The following FRMPD1 variants were observed in gnomAD, a reference collection of about 807,000 sequenced individuals.
The protein encoded by FRMPD1 is FERM and PDZ domain-containing protein 1.
Under a neutral mutation model 117.8 loss-of-function variants are expected in FRMPD1, and 76 were observed. That is an observed-to-expected ratio of 0.65 (90% CI 0.54 to 0.78). The LOEUF (loss-of-function observed/expected upper bound fraction) is 0.78. FRMPD1 is among the 30% of genes least tolerant of loss of function. The pLI is 0.00. For missense variants in FRMPD1, 1,786 were observed against 1,964.5 expected, an observed-to-expected ratio of 0.91 and a Z score of 1.72; for synonymous variants, 783 against 770.4, an observed-to-expected ratio of 1.02 and a Z score of -0.27.
At chr9:37,732,591 A>G in intron 10 of FRMPD1, 151 bp downstream of exon 10, 1 of 749,774 alleles carries the variant, frequency 1.3e-6, no homozygotes, top group Non-Finnish European at 2.0e-6. Flanking sequence ...CTCTAATCTG[A>G]CCTGGCTCCC....
In FRMPD1 at chr9:37,740,238, G is replaced by A; in HGVS notation, c.1710G>A (p.Arg570=). 6.2e-7 allele frequency: 1 copy of A among 1,613,994 alleles called. No individual in the cohort carries two copies. ...PGNSPTPEVA[R]RGPSTCGASS... is the part of the protein sequence containing the mutation. The stretch of plus-strand genomic sequence containing the variant: ...ACAGCCCCACACCTGAGGTGGCTAG[G>A]AGGGGCCCCAGCACCTGCGGGGCCA... Residue 570 remains arginine (R), a synonymous_variant, in exon 15 of 16, where the codon AGG becomes AGA. Transcript: ENST00000377765. The surrounding 1 kb of genome is among the most constrained non-coding windows in gnomAD (Gnocchi z 4.2).
At chr9:37,680,997 G>T (rs1214894181) in intron 1 of FRMPD1, among the ~76,000 whole-genome samples, 1 of 152,044 alleles carries the variant, frequency 6.6e-6, no homozygotes, top group Admixed American at 6.5e-5. Flanking sequence ...ATCACTGGAG[G>T]CCAGGAGTTC....
Position 37,698,701 on chromosome 9 carries a change from A to G in FRMPD1, c.101+5959A>G, listed in dbSNP as rs558098104. ...CTCAGTCGCCCGCGTAGCTGGGATT[A>G]CAGATATGCGCCACCACACCTGGCT... On this transcript the variant is annotated intron_variant, in intron 2 of 15. Coordinates refer to ENST00000377765, the MANE Select transcript of FRMPD1 (RefSeq NM_014907.3). Among the ~76,000 whole-genome samples, 165 of 150,738 alleles carry G rather than the reference A, an allele frequency of 1.1e-3. 1 individual carries two copies. Among genetic ancestry groups the G allele is most frequent in the Non-Finnish European group, 1.5e-3 (100 of 67,758 alleles).
intron 1 of FRMPD1, among the ~76,000 whole-genome samples, chr9:37,674,678 G>A (rs111265837): frequency 5.3e-5 from 8 of 152,198 alleles, no homozygotes; most frequent in African/African-American, 1.7e-4. Context: ...CACAGTGGGA[G>A]GCGAAAGGCA....
chr9:37,629,443 T>G, the FRMPD1 span, among the ~76,000 whole-genome samples: 2 of 152,194 alleles, frequency 1.3e-5, no homozygotes, highest in African/African-American at 4.8e-5. Context: ...GAGTGGGGGC[T>G]GCTCTATATG....
chr9:37,715,309 G>A (rs915292814), intron 5 of FRMPD1, among the ~76,000 whole-genome samples: 2 of 152,096 alleles, frequency 1.3e-5, no homozygotes, highest in Non-Finnish European at 2.9e-5. Flanking sequence ...GGCCTCACAC[G>A]CCCATGGTCT....
At position 37,746,257 on chromosome 9, in the gene FRMPD1, A is replaced by G. The variant is rs1765731304; in HGVS notation, c.4225A>G (p.Arg1409Gly). The part of the protein sequence containing the change: ...IWPEYCSRAL[R>G]QLKATPASTP... ...GCCAGAGTACTGCTCCAGGGCACTG[A>G]GACAGCTGAAAGCCACCCCTGCCAG... The change falls in exon 16 of 16, where the codon AGA becomes GGA. Residue 1409 changes from arginine to glycine, a missense_variant. Transcript: ENST00000377765. 1.2e-6 allele frequency: 2 copies of G among 1,612,776 alleles called. No individual in the cohort carries two copies. The highest frequency in any genetic ancestry group is 8.5e-7 in the Non-Finnish European group (1 of 1,179,876).
At chr9:37,711,506 G>A in intron 5 of FRMPD1, 111 bp downstream of exon 5, 1 of 822,960 alleles carries the variant, frequency 1.2e-6, no homozygotes, top group Non-Finnish European at 2.1e-6. Flanking sequence ...AAGGGTGGAG[G>A]GTGACAGCTG....
At chr9:37,709,904 G>C (rs1014471383) in intron 4 of FRMPD1, among the ~76,000 whole-genome samples, 2 of 152,224 alleles carry the variant, frequency 1.3e-5, no homozygotes, top group African/African-American at 4.8e-5. Flanking sequence ...GCAGTTGAAG[G>C]CTTCTGAGCA....
chr9:37,650,780 C>T (rs1015600121), upstream of FRMPD1, among the ~76,000 whole-genome samples: 20 of 151,466 alleles, frequency 1.3e-4, no homozygotes, highest in Non-Finnish European at 2.2e-4. Flanking sequence ...CCCACTGCGG[C>T]GGGCCGGGAC....
chr9:37,713,863 G>A (rs1364294848), intron 5 of FRMPD1, among the ~76,000 whole-genome samples: 1 of 152,164 alleles, frequency 6.6e-6, no homozygotes, highest in Non-Finnish European at 1.5e-5. Flanking sequence ...TAGAAAGGTT[G>A]CCTACGCATT....
chr9:37,713,937 T>C (rs1823007888), intron 5 of FRMPD1, among the ~76,000 whole-genome samples: 1 of 152,228 alleles, frequency 6.6e-6, no homozygotes, highest in South Asian at 2.1e-4. Flanking sequence ...ATAAACCTTC[T>C]GTGGTCCAAA....
upstream of FRMPD1, among the ~76,000 whole-genome samples, chr9:37,646,109 A>G (rs1824135152): frequency 6.6e-6 from 1 of 152,210 alleles, no homozygotes; most frequent in South Asian, 2.1e-4. Context: ...GCTATTTTTA[A>G]TAACCCTCTC....
At chr9:37,698,103 G>C (rs1037551930) in intron 2 of FRMPD1, among the ~76,000 whole-genome samples, 3 of 152,166 alleles carry the variant, frequency 2.0e-5, no homozygotes, top group Admixed American at 2.0e-4. Flanking sequence ...AATGGAGTGA[G>C]ACTCTGTCTT....
chr9:37,621,475 G>T, the FRMPD1 span, among the ~76,000 whole-genome samples: 3 of 152,294 alleles, frequency 2.0e-5, no homozygotes, highest in South Asian at 6.2e-4. Flanking sequence ...GCCGCTCATG[G>T]CCCCAGGGGA....
At chr9:37,679,698 C>G (rs1465593954) in intron 1 of FRMPD1, among the ~76,000 whole-genome samples, 1 of 152,204 alleles carries the variant, frequency 6.6e-6, no homozygotes, top group Non-Finnish European at 1.5e-5. Context: ...CTTACCTTTA[C>G]AGGTAGGAAA....
At chr9:37,690,035 T>G (rs192856838) in intron 1 of FRMPD1, among the ~76,000 whole-genome samples, 17 of 152,262 alleles carry the variant, frequency 1.1e-4, no homozygotes, top group African/African-American at 3.6e-4. Context: ...TATTCTTAAT[T>G]TGAAAATTTA....
the FRMPD1 span, among the ~76,000 whole-genome samples, chr9:37,637,709 A>T: frequency 6.6e-6 from 1 of 152,340 alleles, no homozygotes; most frequent in South Asian, 2.1e-4. Flanking sequence ...CTCCAGGCCC[A>T]GGATTGCTCA....
Position 37,708,726 on chromosome 9 carries a change from C to A in FRMPD1, c.362+225C>A, listed in dbSNP as rs111464833. Among the ~76,000 whole-genome samples, 541 of 152,290 alleles carry A rather than the reference C, an allele frequency of 3.6e-3. 3 individuals carry two copies. Among genetic ancestry groups the A allele is most frequent in the African/African-American group, 0.012 (512 of 41,548 alleles). On this transcript the variant is annotated intron_variant, in intron 4 of 15. Transcript: ENST00000377765. ...TGCCTACAAAAGAGCTTGGGAGGCA[C>A]AGAGTGCTGTATTTGTCAAAGCCCT...
Sources: allele counts gnomAD v4.1 joint callset (sites outside exome capture counted in the v4.1 genomes callset), GRCh38; gene constraint gnomAD v4.1.1; non-coding constraint Gnocchi (gnomAD v3.1); transcripts MANE v1.5; gene names NCBI Gene and HGNC (gene_info 2026-07-23, HGNC 2026-07-21).